NIPAL3: variants seen among roughly 807,000 people sequenced by gnomAD.
NIPAL3 encodes NIPA-like protein 3.
In NIPAL3, 41 loss-of-function variants were observed where a neutral mutation model predicts 47.2. That is an observed-to-expected ratio of 0.87 (90% CI 0.68 to 1.13). The LOEUF (loss-of-function observed/expected upper bound fraction) is 1.13. NIPAL3 is among the 50% of genes most tolerant of loss of function. The pLI is 0.00. For missense variants in NIPAL3, 449 were observed against 530.1 expected, an observed-to-expected ratio of 0.85 and a Z score of 1.50; for synonymous variants, 194 against 209.6, an observed-to-expected ratio of 0.93 and a Z score of 0.64.
intron 2 of NIPAL3, among the ~76,000 whole-genome samples, chr1:24,429,801 A>G (rs573489209): frequency 1.6e-4 from 25 of 152,224 alleles, no homozygotes; most frequent in Non-Finnish European, 3.2e-4. Context: ...GTTTGCTTAC[A>G]TAGGAACCCA....
chr1:24,431,618 C>G (rs962880722), intron 2 of NIPAL3, among the ~76,000 whole-genome samples: 3 of 152,196 alleles, frequency 2.0e-5, no homozygotes, highest in African/African-American at 7.2e-5. Flanking sequence ...TCCCTGTCAT[C>G]TCCAAGGCCA....
chr1:24,457,057 T>G (rs921364187), intron 8 of NIPAL3, among the ~76,000 whole-genome samples: 2 of 152,154 alleles, frequency 1.3e-5, no homozygotes, highest in Non-Finnish European at 2.9e-5. Flanking sequence ...CCACAACACC[T>G]GGCCAGAATG....
intron 2 of NIPAL3, among the ~76,000 whole-genome samples, chr1:24,423,983 T>G (rs1440979954): frequency 1.3e-5 from 2 of 152,232 alleles, no homozygotes; most frequent in Non-Finnish European, 2.9e-5. Flanking sequence ...GGCCCTGTGA[T>G]GAATGAATGC....
intron 2 of NIPAL3, among the ~76,000 whole-genome samples, chr1:24,423,767 G>A (rs1445504191): frequency 6.6e-5 from 10 of 152,180 alleles, no homozygotes; most frequent in Non-Finnish European, 7.3e-5. Flanking sequence ...GGAAAGGCAT[G>A]GCAAGATGGC....
chr1:24,461,349 C>A (rs1053395849), intron 10 of NIPAL3, among the ~76,000 whole-genome samples: 2 of 151,916 alleles, frequency 1.3e-5, no homozygotes, highest in Non-Finnish European at 2.9e-5. Context: ...TGAGACCAGC[C>A]TGACCAACAT....
At chr1:24,459,560 A>G (rs1206076679) in intron 9 of NIPAL3, among the ~76,000 whole-genome samples, 1 of 152,216 alleles carries the variant, frequency 6.6e-6, no homozygotes, top group Non-Finnish European at 1.5e-5. Context: ...AAATCTTCAG[A>G]GTAAAAAATC....
chr1:24,442,032 T>C (rs1645412888), intron 3 of NIPAL3, 23 bp from the exon 4 acceptor site: 2 of 1,608,978 alleles, frequency 1.2e-6, no homozygotes, highest in Admixed American at 1.7e-5. Flanking sequence ...CTGAGCAAAT[T>C]GCATTATTTC....
chr1:24,438,423 C>T (rs1170770199), intron 2 of NIPAL3, among the ~76,000 whole-genome samples: 1 of 152,192 alleles, frequency 6.6e-6, no homozygotes. Flanking sequence ...GGACAGCTAT[C>T]CATAGTGATT....
chr1:24,468,147 CA>C (rs34689782), intron 11 of NIPAL3, among the ~76,000 whole-genome samples: 14 of 151,674 alleles, frequency 9.2e-5, no homozygotes, highest in Admixed American at 5.3e-4. Flanking sequence ...CTCTCCCCCT[CA>C]AAAAAACCCA....
At position 24,469,372 on chromosome 1, in the gene NIPAL3, G is replaced by T. The variant is rs760271067; in HGVS notation, c.*187G>T. 1.6e-5 allele frequency: 9 copies of T among 577,532 alleles called. No homozygotes were observed. The highest frequency in any genetic ancestry group is 2.7e-5 in the Non-Finnish European group (9 of 329,092). The allele number at this position is 577,532 out of a possible 1,614,324, so 35.8% of individuals were successfully genotyped here. On this transcript the variant is annotated 3_prime_UTR_variant, in exon 12 of 12. Transcript: ENST00000374399. ...GTCTTGGAAATTTCAAATGATGAGG[G>T]TTGGGGGATGGAAGCATTATTCCAG...
intron 2 of NIPAL3, among the ~76,000 whole-genome samples, chr1:24,426,573 C>T (rs1050285897): frequency 6.6e-6 from 1 of 152,146 alleles, no homozygotes; most frequent in Non-Finnish European, 1.5e-5. Context: ...TACAGTTATC[C>T]TAAATATAAG....
chr1:24,445,313 T>G (rs1484937885), intron 5 of NIPAL3, 69 bp downstream of exon 5: 42 of 1,101,582 alleles, frequency 3.8e-5, no homozygotes, highest in Non-Finnish European at 5.7e-5. Context: ...TAAAACCAGT[T>G]CACTCTAATT....
At position 24,454,206 on chromosome 1, in the gene NIPAL3, T is replaced by C; in HGVS notation, c.637+702T>C. ...TGTACCTGGCTAGAACTGCATATAA[T>C]TTTATAGCTAAATAGAGCTGTGGGG... On this transcript the variant is annotated intron_variant, in intron 7 of 11. Transcript: ENST00000374399. This position sits in a 1 kb window ranked among gnomAD's most constrained non-coding sequence, Gnocchi z 4.1. The C allele has an allele frequency of 8.4e-7, 1 of 1,195,334 alleles. No homozygotes were observed. Among genetic ancestry groups the C allele is most frequent in the Admixed American group, 3.6e-5 (1 of 27,766 alleles). 74.0% of individuals were successfully genotyped at this position (1,195,334 alleles called of 1,614,324 possible).
At chr1:24,434,573 G>A (rs1023641958) in intron 2 of NIPAL3, among the ~76,000 whole-genome samples, 2 of 152,110 alleles carry the variant, frequency 1.3e-5, no homozygotes, top group African/African-American at 4.8e-5. Flanking sequence ...GAACAACACT[G>A]TAAAGCAACT....
chr1:24,455,954 G>A (rs1307140450), intron 7 of NIPAL3, among the ~76,000 whole-genome samples, 184 bp from the exon 8 acceptor site: 1 of 152,178 alleles, frequency 6.6e-6, no homozygotes, highest in Admixed American at 6.6e-5. Flanking sequence ...GGGAGTCCAT[G>A]GGAGAGGTGC....
intron 2 of NIPAL3, among the ~76,000 whole-genome samples, chr1:24,428,258 A>AGAGAGAG (rs1644698366): frequency 1.2e-4 from 14 of 119,556 alleles, no homozygotes; most frequent in East Asian, 7.9e-4. Flanking sequence ...CTCAAAAAGA[A>AGAGAGAG]AGAGAGAGAG....
At chr1:24,418,818 T>A (rs1021198273) in intron 1 of NIPAL3, among the ~76,000 whole-genome samples, 23 of 152,198 alleles carry the variant, frequency 1.5e-4, no homozygotes, top group African/African-American at 5.5e-4. Context: ...CAATCCTCGG[T>A]AGCAGGCCAG....
At chr1:24,462,276 ACAATT>A (rs1047554300) in intron 10 of NIPAL3, among the ~76,000 whole-genome samples, 2 of 152,250 alleles carry the variant, frequency 1.3e-5, no homozygotes, top group African/African-American at 4.8e-5. Context: ...TGTGGGAACT[ACAATT>A]CAAGATGAGA....
intron 2 of NIPAL3, among the ~76,000 whole-genome samples, chr1:24,437,300 T>C (rs1258071118): frequency 3.3e-5 from 5 of 152,184 alleles, no homozygotes; most frequent in African/African-American, 9.7e-5. Context: ...TACAATTTGT[T>C]AGATGTATAA....
Sources: gnomAD v4.1 joint callset for allele counts (sites outside exome capture counted in the v4.1 genomes callset) on GRCh38, gnomAD v4.1.1 for gene constraint, Gnocchi (gnomAD v3.1) non-coding constraint, MANE v1.5 for transcripts, NCBI Gene and HGNC (gene_info 2026-07-23, HGNC 2026-07-21) for gene names.